The following TTC28 variants were observed in gnomAD, a reference collection of about 807,000 sequenced individuals.
The protein encoded by TTC28 is tetratricopeptide repeat domain 28, also known as tetratricopeptide repeat protein 28.
A neutral mutation model predicts 198.0 loss-of-function variants in TTC28; 61 were observed. The observed-to-expected ratio is 0.31, with a 90% CI of 0.25 to 0.38. TTC28 has a LOEUF of 0.38. Ranked by LOEUF, TTC28 falls within the 10% of genes least tolerant of loss-of-function variation. The pLI is 1.00. For missense variants in TTC28, 2,678 were observed against 3,164.0 expected (o/e 0.85, Z 3.69); for synonymous variants, 1,171 against 1,297.8 (o/e 0.90, Z 2.10).
intron 1 of TTC28, among the ~76,000 whole-genome samples, chr22:28,638,666 TC>T (rs2051313613): frequency 6.6e-6 from 1 of 152,098 alleles, no homozygotes; most frequent in African/African-American, 2.4e-5. Context: ...AAAAAGGAAC[TC>T]CATGTGGCTT....
At chr22:28,185,193 G>A (rs889518547) in intron 5 of TTC28, among the ~76,000 whole-genome samples, 5 of 152,140 alleles carry the variant, frequency 3.3e-5, no homozygotes, top group Non-Finnish European at 7.4e-5. Flanking sequence ...CCCTACAGCT[G>A]CAAGAATATG....
chr22:28,250,503 C>T (rs545627578), intron 5 of TTC28, among the ~76,000 whole-genome samples: 9 of 152,138 alleles, frequency 5.9e-5, no homozygotes, highest in Non-Finnish European at 1.3e-4. Context: ...GTTTCCAGGA[C>T]TTACCAGCAG....
chr22:28,044,162 A>G (rs2146683189), intron 12 of TTC28, among the ~76,000 whole-genome samples: 1 of 152,354 alleles, frequency 6.6e-6, no homozygotes, highest in South Asian at 2.1e-4. Flanking sequence ...AGAAATGCTT[A>G]TATTTGAATG....
chr22:28,386,051 C>T (rs541891102), intron 2 of TTC28, among the ~76,000 whole-genome samples: 29 of 151,556 alleles, frequency 1.9e-4, no homozygotes, highest in South Asian at 4.2e-4. Flanking sequence ...CCGAGGCGGG[C>T]GGATCACGAG....
chr22:28,340,994 G>A (rs2045819671), intron 2 of TTC28, among the ~76,000 whole-genome samples: 1 of 152,030 alleles, frequency 6.6e-6, no homozygotes, highest in South Asian at 2.1e-4. Flanking sequence ...TAGATGACTA[G>A]GAAGAAAAAT....
chr22:28,530,934 G>C (rs1433291659), intron 2 of TTC28, among the ~76,000 whole-genome samples: 1 of 152,216 alleles, frequency 6.6e-6, no homozygotes, highest in Non-Finnish European at 1.5e-5. Flanking sequence ...GGAACAACCG[G>C]TACCAGCCAC....
intron 2 of TTC28, among the ~76,000 whole-genome samples, chr22:28,559,165 C>T (rs983407823): frequency 1.3e-5 from 2 of 152,154 alleles, no homozygotes; most frequent in Admixed American, 6.5e-5. Context: ...ATTAATCATG[C>T]ATGCCCCTAG....
intron 2 of TTC28, among the ~76,000 whole-genome samples, chr22:28,621,793 G>A (rs1347672784): frequency 2.7e-5 from 4 of 148,490 alleles, no homozygotes; most frequent in African/African-American, 9.9e-5. Context: ...AAGAAAAAGA[G>A]TATGAAGGAA....
intron 12 of TTC28, among the ~76,000 whole-genome samples, chr22:28,035,724 A>C (rs1443117802): frequency 1.3e-5 from 2 of 152,294 alleles, no homozygotes; most frequent in Admixed American, 1.3e-4. Flanking sequence ...GACCTTTGAA[A>C]CTTTCCCGTG....
At position 27,990,655 on chromosome 22, in the gene TTC28, C is replaced by T. The variant is rs549598286; in HGVS notation, c.5577+134G>A. On this transcript the variant is annotated intron_variant, in intron 20 of 22. Coordinates refer to ENST00000397906, the MANE Select transcript of TTC28 (RefSeq NM_001145418.2). ...CCAGTCCAGCAGCAGTGCGCACCCG[C>T]GGGGGCGCCGCAGCCCGTGTGGCTC... 64 of 777,852 alleles carry T rather than the reference C, an allele frequency of 8.2e-5. No individual in the cohort carries two copies. The African/African-American group carries it at 8.8e-4, about 11-fold the overall frequency. The allele number at this position is 777,852 out of a possible 1,614,324, so 48.2% of individuals were successfully genotyped here. A position where few individuals can be genotyped will look rare whatever the true frequency, so the allele number is the denominator to read the frequency against.
chr22:28,422,637 G>C (rs2047277206), intron 2 of TTC28, among the ~76,000 whole-genome samples: 1 of 151,724 alleles, frequency 6.6e-6, no homozygotes, highest in South Asian at 2.1e-4. Context: ...AGTAGAGATG[G>C]GGTTTCACCG....
At position 28,032,248 on chromosome 22, in the gene TTC28, AAAATATATATATATATATAGTGT is replaced by A. The variant is rs1281381511; in HGVS notation, c.3933-1905_3933-1883del. Among the ~76,000 whole-genome samples the A allele has an allele frequency of 5.0e-4, 46 of 92,570 alleles. No homozygotes were observed. In the East Asian group the frequency reaches 0.015, roughly 29 times the overall value. The allele number at this position is 92,570 out of a possible 152,430, so 60.7% of individuals were successfully genotyped here. On this transcript the variant is annotated intron_variant, in intron 12 of 22. Transcript: ENST00000397906. ...ATATATATATAAAATATATATATAT[AAAATATATATATATATATAGTGT>A]GTGTGTGTGTGTGTGTGTGTGTGTA...
intron 14 of TTC28, among the ~76,000 whole-genome samples, chr22:28,006,245 C>G (rs755858471): frequency 1.3e-5 from 2 of 152,186 alleles, no homozygotes; most frequent in Non-Finnish European, 2.9e-5. Flanking sequence ...CCTCTCTGCA[C>G]CTTGGTTTCC....
chr22:28,515,973 C>T (rs1031868944), intron 2 of TTC28, among the ~76,000 whole-genome samples: 1 of 151,858 alleles, frequency 6.6e-6, no homozygotes, highest in African/African-American at 2.4e-5. Flanking sequence ...GGCGAAACAC[C>T]GTCTCTACTA....
At chr22:28,679,480 A>G (rs2050412106) in intron 1 of TTC28, 142 bp downstream of exon 1, 1 of 535,386 alleles carries the variant, frequency 1.9e-6, no homozygotes, top group East Asian at 3.7e-5. Context: ...CCGCCGCCTC[A>G]CGGCTCGCGG....
At chr22:28,153,617 A>G (rs1943668317) in intron 6 of TTC28, among the ~76,000 whole-genome samples, 1 of 152,080 alleles carries the variant, frequency 6.6e-6, no homozygotes, top group Admixed American at 6.5e-5. Flanking sequence ...GGGGTAGGAG[A>G]TATTAATATG....
At position 28,632,589 on chromosome 22, in the gene TTC28, T is replaced by G. The variant is rs1467999633; in HGVS notation, c.103-2759A>C. Among the ~76,000 whole-genome samples the G allele has an allele frequency of 4.6e-5, 7 of 152,256 alleles. No individual in the cohort carries two copies. In the East Asian group the frequency reaches 1.3e-3, roughly 29 times the overall value. The stretch of plus-strand genomic sequence containing the variant: ...GTCCTTGTTTTTAATTATTACAATA[T>G]GTAAGACTGATTTCATTTTGGAAAA... On this transcript the variant is annotated intron_variant, in intron 1 of 22. Transcript: ENST00000397906.
chr22:28,634,592 C>T (rs373121696), intron 1 of TTC28, among the ~76,000 whole-genome samples: 2,972 of 128,480 alleles, frequency 0.023, 30 homozygotes, highest in Non-Finnish European at 0.03. Context: ...TCTTTTTTTT[C>T]TTTTTTTTTT....
chr22:28,179,260 C>T (rs1923474769), intron 5 of TTC28, among the ~76,000 whole-genome samples: 1 of 151,466 alleles, frequency 6.6e-6, no homozygotes, highest in Non-Finnish European at 1.5e-5. Context: ...CCCAGGGTCA[C>T]ATGATTCTCC....
Sources: gnomAD v4.1 joint callset for allele counts (sites outside exome capture counted in the v4.1 genomes callset) on GRCh38, gnomAD v4.1.1 for gene constraint, MANE v1.5 for transcripts, NCBI Gene and HGNC (gene_info 2026-07-23, HGNC 2026-07-21) for gene names.